Variants in ST6GALNAC5 observed in about 807,000 individuals in gnomAD.
The protein encoded by ST6GALNAC5 is ST6 N-acetylgalactosaminide alpha-2,6-sialyltransferase 5.
A neutral mutation model predicts 33.6 loss-of-function variants in ST6GALNAC5; 27 were observed. That is an observed-to-expected ratio of 0.80 (90% CI 0.59 to 1.11). ST6GALNAC5 has a LOEUF of 1.11. ST6GALNAC5 is among the 50% of genes least tolerant of loss of function. The pLI, the probability that ST6GALNAC5 is intolerant of heterozygous loss-of-function variation, is 0.00. For synonymous variants in ST6GALNAC5, 194 were observed against 171.2 expected (o/e 1.13, Z -1.04); for missense variants, 428 against 454.0 (o/e 0.94, Z 0.52).
At chr1:77,020,834 C>A (rs570869610) in intron 2 of ST6GALNAC5, among the ~76,000 whole-genome samples, 1 of 152,200 alleles carries the variant, frequency 6.6e-6, no homozygotes, top group East Asian at 1.9e-4. Flanking sequence ...TTAAAGGCTC[C>A]GTTACACCTC....
At chr1:76,900,946 A>G (rs994233127) in intron 2 of ST6GALNAC5, among the ~76,000 whole-genome samples, 3 of 152,198 alleles carry the variant, frequency 2.0e-5, no homozygotes, top group African/African-American at 7.2e-5. Context: ...GTTTTAGCAA[A>G]TAAGATATTA....
chr1:76,907,391 G>A (rs1290238932), intron 2 of ST6GALNAC5, among the ~76,000 whole-genome samples: 1 of 152,080 alleles, frequency 6.6e-6, no homozygotes, highest in African/African-American at 2.4e-5. Context: ...AAAAGCACTT[G>A]AGGCAGCAGG....
In ST6GALNAC5 at chr1:76,936,953, GGT is replaced by G. The variant is rs34309736; in HGVS notation, c.261+68246_261+68247del. Among the ~76,000 whole-genome samples the G allele has an allele frequency of 9.5e-3, 1,333 of 139,928 alleles. 25 individuals carry two copies. Among genetic ancestry groups the G allele is most frequent in the East Asian group, 0.085 (396 of 4,684 alleles). The allele number at this position is 139,928 out of a possible 152,430, so 91.8% of individuals were successfully genotyped here. A position where few individuals can be genotyped will look rare whatever the true frequency, so the allele number is the denominator to read the frequency against. ...AGTCAGGAGACTGGAAGAGAAGCAG[GGT>G]GTGTGTGTGTGTGTGTGTGTGTGTG... On this transcript the variant is annotated intron_variant, in intron 2 of 4. Coordinates refer to ENST00000477717, the MANE Select transcript of ST6GALNAC5 (RefSeq NM_030965.3).
chr1:76,921,535 T>A (rs1647034624), intron 2 of ST6GALNAC5, among the ~76,000 whole-genome samples: 1 of 152,138 alleles, frequency 6.6e-6, no homozygotes, highest in African/African-American at 2.4e-5. Context: ...TCAATACAAA[T>A]TCTGCAGCCA....
chr1:76,974,648 T>C (rs1648923251), intron 2 of ST6GALNAC5, among the ~76,000 whole-genome samples: 1 of 151,782 alleles, frequency 6.6e-6, no homozygotes, highest in South Asian at 2.1e-4. Flanking sequence ...TTGAATTCTG[T>C]ATGTTAGTTT....
At chr1:77,043,012 A>G (rs935549078) in intron 2 of ST6GALNAC5, among the ~76,000 whole-genome samples, 1 of 152,160 alleles carries the variant, frequency 6.6e-6, no homozygotes, top group Non-Finnish European at 1.5e-5. Context: ...AGTTCTGAAG[A>G]CACAGCCATG....
chr1:77,007,719 A>G (rs1650477470), intron 2 of ST6GALNAC5, among the ~76,000 whole-genome samples: 1 of 152,232 alleles, frequency 6.6e-6, no homozygotes, highest in Admixed American at 6.5e-5. Context: ...GGATATTAGG[A>G]TTGACTTTTA....
At chr1:77,013,232 A>G (rs1410470826) in intron 2 of ST6GALNAC5, among the ~76,000 whole-genome samples, 2 of 142,644 alleles carry the variant, frequency 1.4e-5, no homozygotes, top group Non-Finnish European at 3.1e-5. Context: ...GCCAGGGTCT[A>G]GGTCTCAATA....
chr1:76,867,558 C>G lies in ST6GALNAC5; in HGVS notation c.-118C>G. On this transcript the variant is annotated 5_prime_UTR_variant, in exon 1 of 5. Coordinates refer to ENST00000477717, the MANE Select transcript of ST6GALNAC5 (RefSeq NM_030965.3). ...GCTCCCGCGCGCGATCTGCCGCGGC[C>G]GGCTGCTGGGCAAAAATCAGAGCCG... 1.3e-6 allele frequency: 2 copies of G among 1,552,058 alleles called. No homozygotes were observed. The highest frequency in any genetic ancestry group is 2.2e-5 in the South Asian group (2 of 89,828).
chr1:76,890,237 C>A (rs2100247739), intron 2 of ST6GALNAC5, among the ~76,000 whole-genome samples: 1 of 152,312 alleles, frequency 6.6e-6, no homozygotes, highest in South Asian at 2.1e-4. Flanking sequence ...AAATCTACAT[C>A]ATTTTTATGA....
chr1:76,932,727 C>T (rs1647157305), intron 2 of ST6GALNAC5, among the ~76,000 whole-genome samples: 2 of 152,222 alleles, frequency 1.3e-5, no homozygotes, highest in Middle Eastern at 3.4e-3. Flanking sequence ...CCAAGGCCAT[C>T]CCTCTTGCAC....
chr1:77,027,521 G>T (rs895673107), intron 2 of ST6GALNAC5, among the ~76,000 whole-genome samples: 1 of 152,174 alleles, frequency 6.6e-6, no homozygotes, highest in African/African-American at 2.4e-5. Flanking sequence ...AGTAATTCAG[G>T]GCAGAGATGG....
chr1:77,037,529 G>A (rs1651690994), intron 2 of ST6GALNAC5, among the ~76,000 whole-genome samples: 1 of 151,914 alleles, frequency 6.6e-6, no homozygotes, highest in Non-Finnish European at 1.5e-5. Flanking sequence ...ATCTGCATGT[G>A]TACCCCTGCA....
chr1:77,000,605 TA>T (rs551813486), intron 2 of ST6GALNAC5, among the ~76,000 whole-genome samples: 2,399 of 149,600 alleles, frequency 0.016, 64 homozygotes, highest in African/African-American at 0.056. Context: ...GGTTTTCTTC[TA>T]GGGTTTTTAT....
At chr1:76,999,976 C>CA (rs1283427732) in intron 2 of ST6GALNAC5, among the ~76,000 whole-genome samples, 2 of 107,190 alleles carry the variant, frequency 1.9e-5, no homozygotes, top group Non-Finnish European at 4.3e-5. Context: ...TTTATAGCAG[C>CA]ATGATTTATA....
At chr1:76,946,366 G>A (rs1410311051) in intron 2 of ST6GALNAC5, among the ~76,000 whole-genome samples, 3 of 152,070 alleles carry the variant, frequency 2.0e-5, no homozygotes, top group African/African-American at 7.2e-5. Flanking sequence ...GTTGACTATT[G>A]TATTTGACAA....
chr1:76,956,491 A>G (rs1647986692), intron 2 of ST6GALNAC5, among the ~76,000 whole-genome samples: 1 of 152,188 alleles, frequency 6.6e-6, no homozygotes, highest in Non-Finnish European at 1.5e-5. Flanking sequence ...GTAATACTAC[A>G]GAAAGCTGAG....
intron 2 of ST6GALNAC5, among the ~76,000 whole-genome samples, chr1:76,909,209 A>G (rs1230248773): frequency 6.6e-6 from 1 of 152,134 alleles, no homozygotes; most frequent in Non-Finnish European, 1.5e-5. Flanking sequence ...GTATCCTCAC[A>G]ACCTTGTATC....
At chr1:76,929,072 G>A (rs1324143535) in intron 2 of ST6GALNAC5, among the ~76,000 whole-genome samples, 1 of 152,148 alleles carries the variant, frequency 6.6e-6, no homozygotes, top group East Asian at 1.9e-4. Context: ...AATACTTGCT[G>A]TTTTGGCACA....
Sources: gnomAD v4.1 joint callset for allele counts (sites outside exome capture counted in the v4.1 genomes callset) on GRCh38, gnomAD v4.1.1 for gene constraint, MANE v1.5 for transcripts, NCBI Gene and HGNC (gene_info 2026-07-23, HGNC 2026-07-21) for gene names.